NCAM2: variants seen among roughly 807,000 people sequenced by gnomAD.
The protein encoded by NCAM2 is N-CAM-2.
Under a neutral mutation model 98.1 loss-of-function variants are expected in NCAM2, and 30 were observed. That is an observed-to-expected ratio of 0.31 (90% CI 0.23 to 0.41). The LOEUF (loss-of-function observed/expected upper bound fraction) is 0.41, where lower values mean the gene tolerates loss of function less well. Ranked by LOEUF, NCAM2 falls within the 10% of genes least tolerant of loss-of-function variation. The probability of loss-of-function intolerance (pLI) is 1.00; values close to 1 mark genes in which losing one functional copy is unlikely to be tolerated. For synonymous variants in NCAM2, 368 were observed against 342.4 expected (o/e 1.07, Z -0.83); for missense variants, 867 against 1,005.8 (o/e 0.86, Z 1.87).
intron 1 of NCAM2, among the ~76,000 whole-genome samples, chr21:21,172,097 T>C (rs1189754700): frequency 6.6e-6 from 1 of 152,122 alleles, no homozygotes; most frequent in East Asian, 1.9e-4. Context: ...ATATAGATCG[T>C]ATTTTTTTTT....
At chr21:21,320,489 T>A (rs2074348620) in intron 5 of NCAM2, among the ~76,000 whole-genome samples, 1 of 152,114 alleles carries the variant, frequency 6.6e-6, no homozygotes, top group Non-Finnish European at 1.5e-5. Flanking sequence ...AATGGAGGAC[T>A]ATGACAATTA....
At chr21:21,122,123 A>G (rs1010479336) in intron 1 of NCAM2, among the ~76,000 whole-genome samples, 2 of 151,310 alleles carry the variant, frequency 1.3e-5, no homozygotes, top group Admixed American at 1.3e-4. Flanking sequence ...TATCAAAGGC[A>G]GCAAATACTG....
chr21:21,115,063 T>G (rs1322214849), intron 1 of NCAM2, among the ~76,000 whole-genome samples: 1 of 152,074 alleles, frequency 6.6e-6, no homozygotes, highest in East Asian at 1.9e-4. Context: ...TTAGGTAATC[T>G]GCCTGCCTCA....
intron 12 of NCAM2, among the ~76,000 whole-genome samples, chr21:21,456,664 A>G (rs988231812): frequency 6.6e-6 from 1 of 152,206 alleles, no homozygotes; most frequent in South Asian, 2.1e-4. Context: ...GAAAATTTCT[A>G]TAGAATGACT....
intron 8 of NCAM2, among the ~76,000 whole-genome samples, chr21:21,351,709 C>T (rs2075344546): frequency 6.6e-6 from 1 of 151,802 alleles, no homozygotes; most frequent in Non-Finnish European, 1.5e-5. Flanking sequence ...TTTATATAAA[C>T]ATCTCTCATC....
chr21:21,365,868 T>A (rs942089459), intron 8 of NCAM2, among the ~76,000 whole-genome samples: 1 of 151,980 alleles, frequency 6.6e-6, no homozygotes, highest in Non-Finnish European at 1.5e-5. Context: ...TATCCAAAGG[T>A]TAAGTGCTAT....
chr21:21,257,955 T>G (rs2071740270), intron 1 of NCAM2, among the ~76,000 whole-genome samples: 1 of 152,246 alleles, frequency 6.6e-6, no homozygotes, highest in Admixed American at 6.5e-5. Context: ...TATGTAGGCT[T>G]GCAGTTATTG....
intron 1 of NCAM2, among the ~76,000 whole-genome samples, chr21:21,034,052 A>AG (rs367633725): frequency 0.074 from 10,564 of 141,850 alleles, 426 homozygotes; most frequent in East Asian, 0.25. Context: ...AGATAGGCAA[A>AG]GGGGGGGGGG....
chr21:21,424,634 T>C (rs1267492058), intron 11 of NCAM2, among the ~76,000 whole-genome samples: 1 of 152,042 alleles, frequency 6.6e-6, no homozygotes, highest in Non-Finnish European at 1.5e-5. Context: ...TGTTAATGAG[T>C]AAGGCATTTA....
At chr21:21,051,442 A>C (rs550432220) in intron 1 of NCAM2, among the ~76,000 whole-genome samples, 114 of 152,338 alleles carry the variant, frequency 7.5e-4, no homozygotes, top group Non-Finnish European at 1.3e-3. Flanking sequence ...ACTCACATAG[A>C]GTTATAACTT....
chr21:21,239,749 G>T (rs916829414), intron 1 of NCAM2, among the ~76,000 whole-genome samples: 49 of 152,132 alleles, frequency 3.2e-4, no homozygotes, highest in African/African-American at 1.2e-3. Flanking sequence ...ACTGTACCTG[G>T]AGGACAGGTA....
At chr21:21,008,306 T>G (rs2064147242) in intron 1 of NCAM2, among the ~76,000 whole-genome samples, 1 of 152,208 alleles carries the variant, frequency 6.6e-6, no homozygotes, top group Non-Finnish European at 1.5e-5. Flanking sequence ...TTCTATAGAT[T>G]ACACACTAAT....
At chr21:21,390,262 G>T (rs1337098188) in intron 9 of NCAM2, among the ~76,000 whole-genome samples, 25 of 151,856 alleles carry the variant, frequency 1.6e-4, no homozygotes. Context: ...TTTTCAGTAT[G>T]GCTCTTAGAA....
At chr21:21,239,403 A>T (rs756024944) in intron 1 of NCAM2, 1 of 152,158 alleles carries the variant, frequency 6.6e-6, no homozygotes, top group African/African-American at 2.4e-5. Flanking sequence ...CCCATCATCT[A>T]TATATAGGGT....
At chr21:21,020,409 C>T (rs183174353) in intron 1 of NCAM2, among the ~76,000 whole-genome samples, 137 of 152,274 alleles carry the variant, frequency 9.0e-4, no homozygotes, top group Non-Finnish European at 1.6e-3. Flanking sequence ...TGACATTACT[C>T]GAACTGTTGT....
intron 1 of NCAM2, among the ~76,000 whole-genome samples, chr21:21,201,514 T>C (rs1401675990): frequency 6.6e-6 from 1 of 152,180 alleles, no homozygotes; most frequent in Non-Finnish European, 1.5e-5. Flanking sequence ...AATAGTGATA[T>C]GTTTGTGTAG....
chr21:21,068,074 G>C (rs1244842223), intron 1 of NCAM2, among the ~76,000 whole-genome samples: 1 of 151,314 alleles, frequency 6.6e-6, no homozygotes, highest in East Asian at 1.9e-4. Context: ...TTTTGTGAAA[G>C]ATGTACATAA....
chr21:20,998,488 C>T lies in NCAM2; in HGVS notation c.-76C>T. On this transcript the variant is annotated 5_prime_UTR_variant, in exon 1 of 18. Transcript: ENST00000400546. ...CGGCGGCGGCTCTAGCAGAGGCGGC[C>T]GGGGCAGCGAAAGGTTCTCTCTCCA... 1 of 1,476,058 alleles carries T rather than the reference C, an allele frequency of 6.8e-7. No individual in the cohort carries two copies. The highest frequency in any genetic ancestry group is 9.3e-7 in the Non-Finnish European group (1 of 1,075,940). The allele number at this position is 1,476,058 out of a possible 1,614,324, so 91.4% of individuals were successfully genotyped here.
intron 15 of NCAM2, among the ~76,000 whole-genome samples, chr21:21,484,220 C>T (rs1365198923): frequency 6.6e-6 from 1 of 152,112 alleles, no homozygotes; most frequent in African/African-American, 2.4e-5. Flanking sequence ...TAATATGTGA[C>T]AATACATAGA....
Sources: allele counts gnomAD v4.1 joint callset (sites outside exome capture counted in the v4.1 genomes callset), GRCh38; gene constraint gnomAD v4.1.1; transcripts MANE v1.5; gene names NCBI Gene and HGNC (gene_info 2026-07-23, HGNC 2026-07-21).